Variants in CNTNAP2 observed in about 807,000 individuals in gnomAD.
The protein encoded by CNTNAP2 is contactin associated protein 2.
Under a neutral mutation model 155.2 loss-of-function variants are expected in CNTNAP2, and 98 were observed. That is an observed-to-expected ratio of 0.63 (90% CI 0.54 to 0.75). CNTNAP2 has a LOEUF of 0.75. Ranked by LOEUF, CNTNAP2 falls within the 30% of genes least tolerant of loss-of-function variation. The probability of loss-of-function intolerance (pLI) is 0.00; values close to 1 mark genes in which losing one functional copy is unlikely to be tolerated. For synonymous variants in CNTNAP2, 651 were observed against 631.2 expected, an observed-to-expected ratio of 1.03 and a Z score of -0.47; for missense variants, 1,727 against 1,688.1, an observed-to-expected ratio of 1.02 and a Z score of -0.40.
At chr7:148,228,752 C>T (rs1469591052) in intron 19 of CNTNAP2, among the ~76,000 whole-genome samples, 2 of 145,000 alleles carry the variant, frequency 1.4e-5, no homozygotes, top group Admixed American at 7.2e-5. Context: ...GGCGTGAACC[C>T]GGGAGGCGGA....
intron 1 of CNTNAP2, among the ~76,000 whole-genome samples, chr7:146,743,997 C>T (rs371341491): frequency 1.3e-5 from 2 of 151,834 alleles, no homozygotes; most frequent in Admixed American, 6.6e-5. Flanking sequence ...GAGGCTGAAG[C>T]GGGCAGATCA....
chr7:148,213,900 C>T (rs565234043), intron 18 of CNTNAP2, among the ~76,000 whole-genome samples: 1 of 152,120 alleles, frequency 6.6e-6, no homozygotes, highest in African/African-American at 2.4e-5. Flanking sequence ...GTGGGAGCCT[C>T]GGGGGTCTCA....
intron 3 of CNTNAP2, among the ~76,000 whole-genome samples, chr7:147,023,599 C>G (rs56397784): frequency 6.6e-6 from 1 of 152,212 alleles, no homozygotes; most frequent in Non-Finnish European, 1.5e-5. Flanking sequence ...CCTCCTCAAC[C>G]CCTAGCAACC....
chr7:147,988,715 C>T (rs999861759), intron 15 of CNTNAP2, among the ~76,000 whole-genome samples: 1 of 152,102 alleles, frequency 6.6e-6, no homozygotes, highest in African/African-American at 2.4e-5. Flanking sequence ...AAACAGCATC[C>T]CCAGATGCAG....
chr7:148,266,601 A>AGT (rs35356181), intron 20 of CNTNAP2, among the ~76,000 whole-genome samples: 33,635 of 151,410 alleles, frequency 0.22, 3,906 homozygotes, highest in Non-Finnish European at 0.27. Flanking sequence ...TCAGCATTTG[A>AGT]GTGTGTGTGT....
intron 3 of CNTNAP2, among the ~76,000 whole-genome samples, chr7:146,982,859 A>C (rs1290427118): frequency 6.6e-6 from 1 of 152,206 alleles, no homozygotes; most frequent in African/African-American, 2.4e-5. Flanking sequence ...GCCCATTTCC[A>C]ATTCTTTGAT....
intron 1 of CNTNAP2, among the ~76,000 whole-genome samples, chr7:146,754,601 A>T (rs994070910): frequency 6.6e-6 from 1 of 150,774 alleles, no homozygotes; most frequent in Admixed American, 6.6e-5. Context: ...CCTGGCTGCA[A>T]TAATAATACT....
intron 1 of CNTNAP2, among the ~76,000 whole-genome samples, chr7:146,306,307 T>C (rs536338526): frequency 1.3e-5 from 2 of 152,250 alleles, no homozygotes; most frequent in South Asian, 2.1e-4. Context: ...AGCTGAATTC[T>C]ACCAGAGGGA....
intron 15 of CNTNAP2, among the ~76,000 whole-genome samples, chr7:148,004,468 G>A: frequency 6.6e-6 from 1 of 152,026 alleles, no homozygotes. Flanking sequence ...CATTCATTCT[G>A]GCAGGCATTG....
At chr7:146,466,308 A>G (rs1212691814) in intron 1 of CNTNAP2, among the ~76,000 whole-genome samples, 4 of 152,260 alleles carry the variant, frequency 2.6e-5, no homozygotes, top group Admixed American at 6.5e-5. Context: ...GGATCACATC[A>G]GCTTTCAAAT....
At chr7:147,359,452 T>A (rs1796113134) in intron 9 of CNTNAP2, among the ~76,000 whole-genome samples, 1 of 152,172 alleles carries the variant, frequency 6.6e-6, no homozygotes, top group Admixed American at 6.5e-5. Context: ...TCATCCTTTT[T>A]TAAAACACAG....
chr7:146,170,976 G>A (rs529848630), intron 1 of CNTNAP2, among the ~76,000 whole-genome samples: 3 of 152,220 alleles, frequency 2.0e-5, no homozygotes, highest in East Asian at 1.9e-4. Context: ...ACAGTGAGCC[G>A]AGATTGCGCC....
At chr7:147,621,637 T>C (rs1794858312) in intron 12 of CNTNAP2, among the ~76,000 whole-genome samples, 1 of 151,752 alleles carries the variant, frequency 6.6e-6, no homozygotes, top group African/African-American at 2.4e-5. Flanking sequence ...AATCAAACAA[T>C]GGATACACAC....
intron 8 of CNTNAP2, among the ~76,000 whole-genome samples, chr7:147,176,984 G>GATATAATTCTATATCTATAATTATAT (rs1802361269): frequency 1.5e-5 from 2 of 133,410 alleles, no homozygotes; most frequent in South Asian, 2.3e-4. Context: ...TAAAATTATA[G>GATATAATTCTATATCTATAATTATAT]ATATAATTCT....
intron 18 of CNTNAP2, among the ~76,000 whole-genome samples, chr7:148,208,529 G>C (rs1444622414): frequency 6.6e-6 from 1 of 152,120 alleles, no homozygotes; most frequent in Non-Finnish European, 1.5e-5. Context: ...ATGCCTTACA[G>C]AGAAGCTGAA....
intron 1 of CNTNAP2, among the ~76,000 whole-genome samples, chr7:146,672,470 A>G (rs539723714): frequency 1.3e-5 from 2 of 152,322 alleles, no homozygotes; most frequent in Non-Finnish European, 2.9e-5. Context: ...CTGCATCTGC[A>G]TGCATTCTCT....
chr7:147,784,181 C>G (rs560174991), intron 13 of CNTNAP2, among the ~76,000 whole-genome samples: 1 of 151,864 alleles, frequency 6.6e-6, no homozygotes, highest in East Asian at 2.0e-4. Context: ...CCCTGAAGGG[C>G]TCGTCCTAAC....
At chr7:146,447,910 C>T (rs374192201) in intron 1 of CNTNAP2, among the ~76,000 whole-genome samples, 36 of 151,996 alleles carry the variant, frequency 2.4e-4, no homozygotes, top group African/African-American at 6.0e-4. Context: ...TTTGAATTTA[C>T]GTCATACGCA....
At position 147,871,045 on chromosome 7, in the gene CNTNAP2, G is replaced by T. The variant is rs1799318771; in HGVS notation, c.2099-32520G>T. On this transcript the variant is annotated intron_variant, in intron 13 of 23. Transcript: ENST00000361727. Reference sequence around the variant, plus strand: ...AAAGAAGGTGTTTGGAGTAATTATGGCCCCTCGGTCACCCATGAACTCAGA... The same window carrying T: ...AAAGAAGGTGTTTGGAGTAATTATGTCCCCTCGGTCACCCATGAACTCAGA... Among the ~76,000 whole-genome samples, 4 of 152,054 alleles carry T rather than the reference G, an allele frequency of 2.6e-5. No individual in the cohort carries two copies. In the South Asian group the frequency reaches 8.3e-4, roughly 32 times the overall value.
Sources: allele counts gnomAD v4.1 joint callset (sites outside exome capture counted in the v4.1 genomes callset), GRCh38; gene constraint gnomAD v4.1.1; transcripts MANE v1.5; gene names NCBI Gene and HGNC (gene_info 2026-07-23, HGNC 2026-07-21).